NELL2: variants seen among roughly 807,000 people sequenced by gnomAD.
The protein encoded by NELL2 is protein kinase C-binding protein NELL2.
A neutral mutation model predicts 109.6 loss-of-function variants in NELL2; 41 were observed. The ratio of observed to expected loss-of-function variants is 0.37; its 90% CI spans 0.29 to 0.49. The LOEUF (loss-of-function observed/expected upper bound fraction) is 0.49. Ranked by LOEUF, NELL2 falls within the 20% of genes least tolerant of loss-of-function variation. NELL2 has a pLI of 0.98. For synonymous variants in NELL2, 355 were observed against 344.7 expected (o/e 1.03, Z -0.33); for missense variants, 900 against 1,008.3 (o/e 0.89, Z 1.45).
chr12:44,815,115 TTA>T (rs1459715226), intron 3 of NELL2, among the ~76,000 whole-genome samples: 2 of 152,218 alleles, frequency 1.3e-5, no homozygotes, highest in African/African-American at 4.8e-5. Context: ...AGGAATAATC[TTA>T]AACTATTTGG....
rs1349852818 is a variant in NELL2 at position 44,857,476 on chromosome 12, A to T, written c.184+17749T>A. Among the ~76,000 whole-genome samples the T allele has an allele frequency of 2.0e-5, 3 of 152,286 alleles. No individual in the cohort carries two copies. In the East Asian group the frequency reaches 5.8e-4, roughly 29 times the overall value. On this transcript the variant is annotated intron_variant, in intron 2 of 19. Transcript: ENST00000429094. ...TTCACAGGAGATCCGTCAACATTCCACCGGCCCCTGAAACACTATTCAAGG... is the reference window on the plus strand; with the variant it reads ...TTCACAGGAGATCCGTCAACATTCCTCCGGCCCCTGAAACACTATTCAAGG...
chr12:44,880,338 C>A (rs1332111619), upstream of NELL2, among the ~76,000 whole-genome samples: 1 of 151,822 alleles, frequency 6.6e-6, no homozygotes, highest in East Asian at 1.9e-4. Flanking sequence ...GAACTTCTAG[C>A]AATAAAAGTA....
chr12:44,537,477 C>T (rs935460619), intron 15 of NELL2, among the ~76,000 whole-genome samples: 14 of 151,994 alleles, frequency 9.2e-5, no homozygotes, highest in Middle Eastern at 3.2e-3. Context: ...GATGAGTCTA[C>T]TGTTTTTAAT....
intron 1 of NELL2, among the ~76,000 whole-genome samples, chr12:44,907,187 A>T (rs1945729258): frequency 6.6e-6 from 1 of 152,116 alleles, no homozygotes; most frequent in African/African-American, 2.4e-5. Context: ...GAGTCAATTA[A>T]ACCTCTTTCC....
chr12:44,907,415 G>C (rs1309299425), intron 1 of NELL2, among the ~76,000 whole-genome samples: 1 of 152,118 alleles, frequency 6.6e-6, no homozygotes, highest in Non-Finnish European at 1.5e-5. Context: ...CCAAAAAACA[G>C]TGGTGTCATG....
At chr12:44,710,566 C>T (rs1938141688) in intron 11 of NELL2, among the ~76,000 whole-genome samples, 1 of 152,168 alleles carries the variant, frequency 6.6e-6, no homozygotes, top group Non-Finnish European at 1.5e-5. Flanking sequence ...TCCATATAAT[C>T]AATGCTTTAA....
intron 9 of NELL2, among the ~76,000 whole-genome samples, chr12:44,758,157 G>A (rs981112645): frequency 2.0e-5 from 3 of 151,990 alleles, no homozygotes; most frequent in Non-Finnish European, 4.4e-5. Context: ...AGAATTTTTG[G>A]TAGTTTCTCA....
intron 5 of NELL2, among the ~76,000 whole-genome samples, 175 bp downstream of exon 5, chr12:44,779,488 A>G (rs1005266127): frequency 6.6e-6 from 1 of 152,240 alleles, no homozygotes; most frequent in East Asian, 1.9e-4. Flanking sequence ...TGAAAAAAGA[A>G]GAGAAAATAA....
At chr12:44,864,887 T>G (rs982172352) in intron 2 of NELL2, among the ~76,000 whole-genome samples, 2 of 151,618 alleles carry the variant, frequency 1.3e-5, no homozygotes, top group Admixed American at 6.6e-5. Context: ...ATATACCCAG[T>G]AATGGGATGG....
At chr12:44,524,537 T>C (rs1941682219) in intron 16 of NELL2, among the ~76,000 whole-genome samples, 1 of 152,116 alleles carries the variant, frequency 6.6e-6, no homozygotes, top group Non-Finnish European at 1.5e-5. Flanking sequence ...AAAATAAAGT[T>C]TAGGAAATAT....
At chr12:44,780,133 A>G in intron 3 of NELL2, 111 bp from the exon 4 acceptor site, 1 of 1,074,884 alleles carries the variant, frequency 9.3e-7, no homozygotes, top group Non-Finnish European at 1.3e-6. Context: ...TCTCCCACTA[A>G]GTACAACTAG....
At chr12:44,580,962 T>C (rs771831982) in intron 15 of NELL2, among the ~76,000 whole-genome samples, 2 of 152,180 alleles carry the variant, frequency 1.3e-5, no homozygotes, top group African/African-American at 2.4e-5. Context: ...GATTGCAAAA[T>C]AGTCAATAAA....
intron 3 of NELL2, among the ~76,000 whole-genome samples, chr12:44,795,632 G>A (rs1412527583): frequency 6.6e-6 from 1 of 152,158 alleles, no homozygotes; most frequent in Non-Finnish European, 1.5e-5. Flanking sequence ...GAATGCAGAA[G>A]CCAGGAAATA....
intron 13 of NELL2, among the ~76,000 whole-genome samples, chr12:44,659,369 T>C (rs1947648514): frequency 2.0e-5 from 3 of 152,134 alleles, no homozygotes; most frequent in Non-Finnish European, 2.9e-5. Context: ...ACTAAAGAGC[T>C]TCTGCACAGT....
At chr12:44,577,627 C>A (rs1944154154) in intron 15 of NELL2, among the ~76,000 whole-genome samples, 1 of 151,768 alleles carries the variant, frequency 6.6e-6, no homozygotes, top group Non-Finnish European at 1.5e-5. Context: ...ACAGGCGCCA[C>A]CACCATGCCC....
At chr12:44,564,639 T>C (rs757254279) in intron 15 of NELL2, among the ~76,000 whole-genome samples, 1 of 152,152 alleles carries the variant, frequency 6.6e-6, no homozygotes, top group African/African-American at 2.4e-5. Flanking sequence ...TGTGTGTGTA[T>C]AAAATTGCCT....
rs149917689 is a variant in NELL2, at chr12:44,776,095, G to A, written c.818C>T (p.Thr273Ile). 1.2e-6 allele frequency: 2 copies of A among 1,614,084 alleles called. No individual in the cohort carries two copies. The highest frequency in any genetic ancestry group is 2.2e-5 in the East Asian group (1 of 44,872). The change falls in exon 8 of 20, where the codon ACT (threonine) becomes ATT (isoleucine). Residue 273 changes from threonine to isoleucine, a missense_variant. This residue lies in a region of NELL2 where 292 missense variants were observed against 265.3 expected (regional missense o/e 1.10). Transcript: ENST00000429094. Reference sequence around the variant, plus strand: ...GTAGGTGGTTCCCTTCATGGTGCAAGTCCTTTCACAATAGCACTGATCCAA... The same window carrying A: ...GTAGGTGGTTCCCTTCATGGTGCAAATCCTTTCACAATAGCACTGATCCAA... ...NRLDQCYCER[T>I]CTMKGTTYRE...
At chr12:44,774,667 A>T in intron 9 of NELL2, 80 bp downstream of exon 9, 1 of 1,164,398 alleles carries the variant, frequency 8.6e-7, no homozygotes, top group Non-Finnish European at 1.3e-6. Context: ...TGCCCAGATT[A>T]AACCAATGAT....
At chr12:44,723,347 A>C (rs1938892907) in intron 9 of NELL2, among the ~76,000 whole-genome samples, 1 of 152,244 alleles carries the variant, frequency 6.6e-6, no homozygotes, top group Non-Finnish European at 1.5e-5. Context: ...AGAGAAAAAT[A>C]AAATTAACAT....
Sources: allele counts gnomAD v4.1 joint callset (sites outside exome capture counted in the v4.1 genomes callset), GRCh38; gene constraint gnomAD v4.1.1; regional missense constraint gnomAD v4.1.1; transcripts MANE v1.5; gene names NCBI Gene and HGNC (gene_info 2026-07-23, HGNC 2026-07-21).